The following NPHP4 variants were observed in gnomAD, a reference collection of about 807,000 sequenced individuals.
NPHP4 encodes the protein nephrocystin-4.
NPHP4 carries 151 observed loss-of-function variants against 155.8 expected under a neutral mutation model. The observed-to-expected ratio is 0.97, with a 90% CI of 0.85 to 1.11. The LOEUF is 1.11. NPHP4 is among the 50% of genes least tolerant of loss of function. The probability of loss-of-function intolerance (pLI) is 0.00; values close to 1 mark genes in which losing one functional copy is unlikely to be tolerated. For synonymous variants in NPHP4, 845 were observed against 816.8 expected (o/e 1.03, Z -0.59); for missense variants, 1,956 against 1,925.7 (o/e 1.02, Z -0.29).
rs1236458734 is a variant in NPHP4, at chr1:5,905,291, C to T, written c.1955+1G>A. On this transcript the variant is annotated splice_donor_variant, in intron 15 of 29. Transcript: ENST00000378156. LOFTEE classifies it high-confidence loss of function. This position sits in a 1 kb window ranked among gnomAD's most constrained non-coding sequence, Gnocchi z 4.0. ...GAGTAACAGAATATTCAAGGATTTA[C>T]CTGCTAAAGGCAAGAAACTGTAGCA... 1.9e-6 allele frequency: 3 copies of T among 1,609,992 alleles called. No individual in the cohort carries two copies. The highest frequency in any genetic ancestry group is 1.7e-6 in the Non-Finnish European group (2 of 1,176,198).
chr1:5,868,938 CCACATGCACACACACACAATGCACACA>C (rs1392851111), intron 23 of NPHP4, among the ~76,000 whole-genome samples: 2 of 138,674 alleles, frequency 1.4e-5, no homozygotes, highest in Non-Finnish European at 3.1e-5. Context: ...ATGCATGCAC[CCACATGCACACACACACAATGCACACA>C]CACATGCACA....
intron 11 of NPHP4, among the ~76,000 whole-genome samples, chr1:5,927,305 C>G (rs753529402): frequency 1.1e-4 from 16 of 152,176 alleles, no homozygotes; most frequent in Admixed American, 5.2e-4. Context: ...ACAGTGCAAA[C>G]GCAAGGTGGC....
rs941603908 is a variant in NPHP4 at position 5,879,831 on chromosome 1, G to A, written c.2611+283C>T. On this transcript the variant is annotated intron_variant, in intron 19 of 29. Transcript: ENST00000378156. ...CACACACGCAAACACACACACACAC[G>A]CAAACACACACAGACACGCACACAG... 6.3e-4 allele frequency among the ~76,000 whole-genome samples: 55 copies of A among 87,694 alleles called. 1 individual carries two copies. Among genetic ancestry groups the A allele is most frequent in the Non-Finnish European group, 7.7e-4 (32 of 41,488 alleles). 57.5% of individuals were successfully genotyped at this position (87,694 alleles called of 152,430 possible).
chr1:5,977,664 G>C (rs530723810), intron 3 of NPHP4, among the ~76,000 whole-genome samples: 1 of 150,920 alleles, frequency 6.6e-6, no homozygotes, highest in Admixed American at 6.6e-5. Flanking sequence ...CACAGAGACA[G>C]AGCATGCCGG....
intron 2 of NPHP4, among the ~76,000 whole-genome samples, chr1:5,985,013 G>A (rs1353878385): frequency 6.6e-6 from 1 of 152,208 alleles, no homozygotes; most frequent in Non-Finnish European, 1.5e-5. Context: ...TTAAGTGAAT[G>A]AACACAGTGA....
chr1:5,913,431 G>C (rs550957419), intron 11 of NPHP4, among the ~76,000 whole-genome samples: 103 of 152,264 alleles, frequency 6.8e-4, no homozygotes, highest in Non-Finnish European at 1.3e-3. Context: ...TTTCCCTGAC[G>C]CTCTATCACT....
rs192988568 is a variant in NPHP4, at chr1:5,901,113, G to A, written c.2143+3504C>T. ...TAGTAATAGGGGAAACTGTTGGGGT[G>A]GGGGGAGGTCCTACGGGAACTCTCT... On this transcript the variant is annotated intron_variant, in intron 16 of 29. Coordinates refer to ENST00000378156, the MANE Select transcript of NPHP4 (RefSeq NM_015102.5). Among the ~76,000 whole-genome samples the A allele has an allele frequency of 7.2e-5, 11 of 152,148 alleles. No homozygotes were observed. In the East Asian group the frequency reaches 1.9e-3, roughly 27 times the overall value.
At chr1:5,956,069 G>GA (rs932467517) in intron 6 of NPHP4, among the ~76,000 whole-genome samples, 2 of 150,046 alleles carry the variant, frequency 1.3e-5, no homozygotes, top group Non-Finnish European at 3.0e-5. Context: ...TGGGGGGGGG[G>GA]GGTGCAGGGA....
chr1:5,915,374 G>A (rs537051482), intron 11 of NPHP4, among the ~76,000 whole-genome samples: 2 of 152,332 alleles, frequency 1.3e-5, no homozygotes, highest in South Asian at 4.1e-4. Context: ...ATCAGGCCGT[G>A]AAAATAAAGG....
chr1:5,933,974 A>G (rs1646405318), intron 9 of NPHP4, among the ~76,000 whole-genome samples: 1 of 152,216 alleles, frequency 6.6e-6, no homozygotes, highest in Admixed American at 6.5e-5. Context: ...GTGAAAACCA[A>G]TCCCTTGGGT....
chr1:5,917,197 G>A (rs1344720920), intron 11 of NPHP4, among the ~76,000 whole-genome samples: 1 of 152,092 alleles, frequency 6.6e-6, no homozygotes, highest in Non-Finnish European at 1.5e-5. Context: ...ACACCAAGAA[G>A]GGTGTGTGAC....
intron 6 of NPHP4, among the ~76,000 whole-genome samples, chr1:5,955,577 C>T (rs993323118): frequency 2.6e-5 from 4 of 152,236 alleles, no homozygotes; most frequent in African/African-American, 7.2e-5. Flanking sequence ...GAAGTCCTGT[C>T]GCTTGCGACA....
chr1:5,905,392 C>T lies in NPHP4; in HGVS notation c.1855G>A (p.Ala619Thr). ...GTCACAGGTTCTGTAGCGCTGACAG[C>T]CTCGGCTGGCTGTTTATTGGCATCC... ...ILDANKQPAE[A>T]VSATEPVTFN... The change falls in exon 15 of 30, where the codon GCT becomes ACT. Residue 619 changes from alanine (A) to threonine (T), a missense_variant. Ala to Thr is a moderately conservative substitution (Grantham distance 58). Coordinates refer to ENST00000378156, the MANE Select transcript of NPHP4 (RefSeq NM_015102.5). This position sits in a 1 kb window ranked among gnomAD's most constrained non-coding sequence, Gnocchi z 4.0. 1 of 1,613,734 alleles carries T rather than the reference C, an allele frequency of 6.2e-7. No individual in the cohort carries two copies. Among genetic ancestry groups the T allele is most frequent in the Non-Finnish European group, 8.5e-7 (1 of 1,179,654 alleles).
intron 9 of NPHP4, among the ~76,000 whole-genome samples, chr1:5,936,456 T>C (rs1646545296): frequency 1.3e-5 from 2 of 152,166 alleles, no homozygotes; most frequent in South Asian, 4.1e-4. Context: ...GTGCTTGAGA[T>C]GACATCCACT....
At chr1:5,946,988 T>C in intron 9 of NPHP4, 116 bp downstream of exon 9, 2 of 1,086,834 alleles carry the variant, frequency 1.8e-6, no homozygotes, top group Non-Finnish European at 2.8e-6. Flanking sequence ...TTTTTACTTA[T>C]TATTTATAAT....
chr1:5,978,227 C>T lies in NPHP4; in HGVS notation c.279+43G>A, dbSNP rs952004949. ...CACCCAGGACCACCCGCACACACAC[C>T]CTCCGCCTTGGAGCAGCCCCTGCCA... On this transcript the variant is annotated intron_variant, in intron 3 of 29. Coordinates refer to ENST00000378156, the MANE Select transcript of NPHP4 (RefSeq NM_015102.5). 16 of 1,575,316 alleles carry T rather than the reference C, an allele frequency of 1.0e-5. No homozygotes were observed. The Admixed American group carries it at 1.1e-4, about 11-fold the overall frequency.
chr1:5,880,227 T>C lies in NPHP4; in HGVS notation c.2498A>G (p.Glu833Gly), dbSNP rs1381478997. Residue 833 changes from glutamate (E) to glycine (G), a missense_variant, in exon 19 of 30, where the codon GAA becomes GGA. Glu to Gly is a moderately conservative substitution (Grantham distance 98, BLOSUM62 -2). Coordinates refer to ENST00000378156, the MANE Select transcript of NPHP4 (RefSeq NM_015102.5). ...TGTGCTACAACCTCTCACTTTCTGT[T>C]CACACGGGTGACCTACATGAAAAAC... Reference protein sequence around the residue: ...LTLANVGHPCEQKVRGCSTLP... With the variant: ...LTLANVGHPCGQKVRGCSTLP... 1 of 1,613,644 alleles carries C rather than the reference T, an allele frequency of 6.2e-7. No individual in the cohort carries two copies. The highest frequency in any genetic ancestry group is 8.5e-7 in the Non-Finnish European group (1 of 1,179,736).
intron 6 of NPHP4, among the ~76,000 whole-genome samples, chr1:5,953,823 C>CT (rs1648663268): frequency 6.6e-6 from 1 of 152,344 alleles, no homozygotes; most frequent in South Asian, 2.1e-4. Flanking sequence ...CGTTTCCCAA[C>CT]CTACACACAC....
chr1:5,982,399 C>G (rs537017648), intron 2 of NPHP4, among the ~76,000 whole-genome samples: 2 of 152,296 alleles, frequency 1.3e-5, no homozygotes, highest in South Asian at 4.1e-4. Context: ...ACAGGCTATA[C>G]CATGGAGCCT....
Sources: allele counts gnomAD v4.1 joint callset (sites outside exome capture counted in the v4.1 genomes callset), GRCh38; gene constraint gnomAD v4.1.1; non-coding constraint Gnocchi (gnomAD v3.1); transcripts MANE v1.5; gene names NCBI Gene and HGNC (gene_info 2026-07-23, HGNC 2026-07-21).